ECPAS: variants seen among roughly 807,000 people sequenced by gnomAD.
ECPAS encodes proteasome adapter and scaffold protein ECM29.
Under a neutral mutation model 255.1 loss-of-function variants are expected in ECPAS, and 70 were observed. The observed-to-expected ratio is 0.27, with a 90% CI of 0.23 to 0.33. The LOEUF is 0.33. Ranked by LOEUF, ECPAS falls within the 10% of genes least tolerant of loss-of-function variation. ECPAS has a pLI of 1.00. For missense variants in ECPAS, 1,817 were observed against 2,206.4 expected, an observed-to-expected ratio of 0.82 and a Z score of 3.54; for synonymous variants, 784 against 775.0, an observed-to-expected ratio of 1.01 and a Z score of -0.19.
intron 48 of ECPAS, 106 bp from the exon 49 acceptor site, chr9:111,363,765 G>C (rs550771227): frequency 3.7e-5 from 24 of 647,392 alleles, no homozygotes; most frequent in African/African-American, 3.5e-4. Flanking sequence ...ACAACTCTAG[G>C]GAAGGGTATA....
At chr9:111,468,619 G>C (rs1345690407) in intron 2 of ECPAS, among the ~76,000 whole-genome samples, 1 of 150,070 alleles carries the variant, frequency 6.7e-6, no homozygotes, top group Non-Finnish European at 1.5e-5. Context: ...TCTGGGCAAA[G>C]AGAGTGAGTG....
intron 18 of ECPAS, among the ~76,000 whole-genome samples, chr9:111,414,960 C>T (rs984867563): frequency 6.6e-6 from 1 of 152,032 alleles, no homozygotes; most frequent in Non-Finnish European, 1.5e-5. Flanking sequence ...CATGTTCTCA[C>T]TTATAAGTGG....
chr9:111,470,739 C>G (rs1198971816), intron 2 of ECPAS, among the ~76,000 whole-genome samples: 2 of 143,254 alleles, frequency 1.4e-5, no homozygotes, highest in African/African-American at 5.4e-5. Context: ...CATGTCCTCT[C>G]CTCCCGCCAC....
rs772849477 is a variant in ECPAS, at chr9:111,366,642, C to T, written c.5114-15G>A. The T allele has an allele frequency of 1.3e-6, 2 of 1,544,684 alleles. No homozygotes were observed. The highest frequency in any genetic ancestry group is 1.8e-6 in the Non-Finnish European group (2 of 1,118,546). ...ACGATAACAACCTGGGAAAAAAAGA[C>T]AAGGTGGGACAGAGCAGGAGACAGT... On this transcript the variant is annotated splice_polypyrimidine_tract_variant and intron_variant, in intron 46 of 49. Coordinates refer to ENST00000684092, the MANE Select transcript of ECPAS (RefSeq NM_001364929.1).
chr9:111,401,208 A>G (rs1473865315), intron 24 of ECPAS, among the ~76,000 whole-genome samples: 1 of 152,230 alleles, frequency 6.6e-6, no homozygotes, highest in Admixed American at 6.5e-5. Context: ...CCAGCCCCCA[A>G]TATTTCAATG....
chr9:111,411,775 G>A, intron 21 of ECPAS: 2 of 372,324 alleles, frequency 5.4e-6, no homozygotes, highest in Non-Finnish European at 9.5e-6. Flanking sequence ...GGATTCTCAT[G>A]TATTTATGAA....
chr9:111,437,143 T>C, intron 6 of ECPAS, 35 bp from the exon 7 acceptor site: 1 of 1,519,510 alleles, frequency 6.6e-7, no homozygotes, highest in Non-Finnish European at 8.8e-7. Flanking sequence ...CCTCTATAAA[T>C]ACAAAAGCAT....
In ECPAS at chr9:111,397,049, C is replaced by G. The variant is rs766393351; in HGVS notation, c.2757G>C (p.Glu919Asp). The G allele has an allele frequency of 6.2e-7, 1 of 1,613,930 alleles. No individual in the cohort carries two copies. The highest frequency in any genetic ancestry group is 1.7e-5 in the Admixed American group (1 of 60,024). ...AARDAWQMTE[E>D]EYTPPAGAKV... ...TGGTACCAGCAGGTGGAGTATATTC[C>G]TCTTCAGTCATTTGCCAGGCATCTC... Residue 919 changes from glutamate (E) to aspartate (D), a missense_variant, in exon 25 of 50, where the codon GAG (glutamate) becomes GAC (aspartate). Physicochemically the swap from Glu to Asp is conservative, Grantham distance 45. Coordinates refer to ENST00000684092, the MANE Select transcript of ECPAS (RefSeq NM_001364929.1).
At chr9:111,370,896 C>T in intron 43 of ECPAS, 131 bp from the exon 44 acceptor site, 1 of 797,044 alleles carries the variant, frequency 1.3e-6, no homozygotes, top group Non-Finnish European at 2.1e-6. Context: ...GTCACCTTAT[C>T]TTTAATGCAT....
rs1282400347 is a variant in ECPAS, at chr9:111,480,287, C to CT, written c.-83+3828dup. ...TTTTTAGTGGAATTCTTAAAAGCAC[C>CT]TTTTCTTTTTTTTTTTTTTTTTTTT... On this transcript the variant is annotated intron_variant, in intron 1 of 49. Transcript: ENST00000684092. Among the ~76,000 whole-genome samples the CT allele has an allele frequency of 2.6e-3, 294 of 113,614 alleles. 1 individual carries two copies. The highest frequency in any genetic ancestry group is 7.4e-3 in the East Asian group (26 of 3,510). 74.5% of individuals were successfully genotyped at this position (113,614 alleles called of 152,430 possible).
At chr9:111,397,371 G>A (rs1165991649) in intron 24 of ECPAS, among the ~76,000 whole-genome samples, 1 of 152,172 alleles carries the variant, frequency 6.6e-6, no homozygotes, top group Non-Finnish European at 1.5e-5. Context: ...AGTCTTTGCT[G>A]CCCTCCTCAC....
intron 7 of ECPAS, among the ~76,000 whole-genome samples, chr9:111,435,773 G>A (rs1374359888): frequency 2.0e-5 from 3 of 149,514 alleles, no homozygotes; most frequent in Non-Finnish European, 3.0e-5. Flanking sequence ...TCTGCCTCCT[G>A]GGTTCACGCC....
chr9:111,481,774 G>A (rs1249872161), intron 1 of ECPAS, among the ~76,000 whole-genome samples: 1 of 152,146 alleles, frequency 6.6e-6, no homozygotes, highest in African/African-American at 2.4e-5. Context: ...CCTTTAAAAG[G>A]AAAAGAAATT....
chr9:111,448,052 G>C (rs1024149230), intron 3 of ECPAS, among the ~76,000 whole-genome samples: 8 of 151,642 alleles, frequency 5.3e-5, no homozygotes, highest in African/African-American at 1.9e-4. Context: ...CCAACCCAAA[G>C]GAAAAATAAA....
rs143957835 is a variant in ECPAS, at chr9:111,445,238, G to A, written c.154-744C>T. 3.4e-3 allele frequency among the ~76,000 whole-genome samples: 521 copies of A among 151,868 alleles called. 1 individual carries two copies. Among genetic ancestry groups the A allele is most frequent in the Non-Finnish European group, 4.0e-3 (273 of 67,954 alleles). The stretch of plus-strand genomic sequence containing the variant: ...TCAAACTCCTGATCTCAAGCAATCC[G>A]CCCACCTCGGCCTCCCAAAGTGTTG... On this transcript the variant is annotated intron_variant, in intron 3 of 49. Coordinates refer to ENST00000684092, the MANE Select transcript of ECPAS (RefSeq NM_001364929.1).
At position 111,423,257 on chromosome 9, in the gene ECPAS, T is replaced by G. The variant is rs146427310; in HGVS notation, c.1216-9A>C. On this transcript the variant is annotated splice_polypyrimidine_tract_variant and intron_variant, in intron 12 of 49. Coordinates refer to ENST00000684092, the MANE Select transcript of ECPAS (RefSeq NM_001364929.1). ...GACAGTAGTTTAGGGTCCTTGAAAT[T>G]AAAAAAAGAAAAGAAAGAAAAGAAA... 1.8e-4 allele frequency: 270 copies of G among 1,541,858 alleles called. 2 individuals carry two copies. In the East Asian group the frequency reaches 6.4e-3, roughly 37 times the overall value.
Position 111,370,747 on chromosome 9 carries a change from T to A in ECPAS, c.4756A>T (p.Ile1586Phe). 6.2e-7 allele frequency: 1 copy of A among 1,606,324 alleles called. No homozygotes were observed. The highest frequency in any genetic ancestry group is 1.7e-5 in the Admixed American group (1 of 58,878). ...WAGKEELLKA[I>F]ACVVTACSAE... Reference sequence around the variant, plus strand: ...CTGCAAGCTGTCACCACACAGGCAATGGCTTTCAATAGCTCCTCCTAAGGG... The same window carrying A: ...CTGCAAGCTGTCACCACACAGGCAAAGGCTTTCAATAGCTCCTCCTAAGGG... Residue 1586 changes from isoleucine (I) to phenylalanine (F), a missense_variant, in exon 44 of 50, where the codon ATT becomes TTT. Around this residue, in one of 4 missense-constraint regions of ECPAS, gnomAD observed 960 missense variants for 1,179.0 expected, o/e 0.81. Transcript: ENST00000684092.
intron 29 of ECPAS, among the ~76,000 whole-genome samples, chr9:111,391,343 C>T (rs1055695420): frequency 2.0e-5 from 3 of 152,056 alleles, no homozygotes; most frequent in African/African-American, 7.2e-5. Context: ...TTTGGGAGGC[C>T]GAGGTGGGTG....
rs770442666 is a variant in ECPAS at position 111,373,384 on chromosome 9, C to A, written c.4200G>T (p.Leu1400=). 1 of 1,613,820 alleles carries A rather than the reference C, an allele frequency of 6.2e-7. No individual in the cohort carries two copies. Among genetic ancestry groups the A allele is most frequent in the South Asian group, 1.1e-5 (1 of 91,060 alleles). Residue 1400 remains leucine (L), a synonymous_variant, in exon 40 of 50, where the codon CTG becomes CTT. Transcript: ENST00000684092. The part of the protein sequence containing the change: ...PYSGKLMSAL[L]SGLTDRNSVI... ...CACTGTTCCGATCTGTCAGGCCACT[C>A]AGCAAAGCACTCATAAGTTTACCTA...
Sources: allele counts gnomAD v4.1 joint callset (sites outside exome capture counted in the v4.1 genomes callset), GRCh38; gene constraint gnomAD v4.1.1; regional missense constraint gnomAD v4.1.1; transcripts MANE v1.5; gene names NCBI Gene and HGNC (gene_info 2026-07-23, HGNC 2026-07-21).